Variants in SMC3 observed in about 807,000 individuals in gnomAD.
SMC3 encodes structural maintenance of chromosomes protein 3.
SMC3 carries 20 observed loss-of-function variants against 171.8 expected under a neutral mutation model. The observed-to-expected ratio is 0.12, with a 90% CI of 0.08 to 0.17. The LOEUF (loss-of-function observed/expected upper bound fraction) is 0.17. SMC3 is among the 10% of genes least tolerant of loss of function. The pLI is 1.00. For synonymous variants in SMC3, 464 were observed against 451.1 expected (o/e 1.03, Z -0.36); for missense variants, 543 against 1,420.4 (o/e 0.38, Z 9.93).
rs1176119437 is a variant in SMC3 at position 110,575,347 on chromosome 10, G to C, written c.142G>C (p.Val48Leu). ...KSNFFYAIQF[V>L]LSDEFSHLRP... ...TTTTGTATTTCCAGCAATTCAGTTT[G>C]TTCTCAGTGATGAGTTTAGTCATCT... is the stretch of plus-strand genomic sequence containing the variant. Residue 48 changes from valine (V) to leucine (L), a missense_variant, in exon 4 of 29, where the codon GTT becomes CTT. This residue lies in a region of SMC3 where 146 missense variants were observed against 437.9 expected (regional missense o/e 0.33). Coordinates refer to ENST00000361804, the MANE Select transcript of SMC3 (RefSeq NM_005445.4). 2 of 1,613,452 alleles carry C rather than the reference G, an allele frequency of 1.2e-6. No individual in the cohort carries two copies.
intron 3 of SMC3, 71 bp downstream of exon 3, chr10:110,573,816 A>G: frequency 9.4e-7 from 1 of 1,058,844 alleles, no homozygotes; most frequent in South Asian, 1.3e-5. Context: ...TAAAATCATT[A>G]ATTTTCTGAG....
At chr10:110,600,699 G>A (rs572882204) in intron 22 of SMC3, among the ~76,000 whole-genome samples, 153 bp downstream of exon 22, 32 of 152,150 alleles carry the variant, frequency 2.1e-4, no homozygotes, top group African/African-American at 6.3e-4. Context: ...CTGCCACCTA[G>A]TGTGTGATTT....
chr10:110,573,625 A>G (rs1023360461), intron 2 of SMC3, 82 bp from the exon 3 acceptor site: 3 of 942,182 alleles, frequency 3.2e-6, no homozygotes, highest in East Asian at 4.9e-5. Context: ...TTTTAAAAAT[A>G]TTGAGTATTT....
chr10:110,584,212 A>C lies in SMC3; in HGVS notation c.1121A>C (p.Asp374Ala), dbSNP rs1861074510. The C allele has an allele frequency of 1.2e-6, 2 of 1,614,078 alleles. No individual in the cohort carries two copies. Among genetic ancestry groups the C allele is most frequent in the Non-Finnish European group, 1.7e-6 (2 of 1,179,988 alleles). The change falls in exon 13 of 29, where the codon GAT becomes GCT. Residue 374 changes from aspartate (D) to alanine (A), a missense_variant. Asp to Ala is a moderately radical substitution (Grantham distance 126, BLOSUM62 -2). Coordinates refer to ENST00000361804, the MANE Select transcript of SMC3 (RefSeq NM_005445.4). ...RLAQATQERTDLYAKQGRGSQ... is the reference protein window; with the variant it reads ...RLAQATQERTALYAKQGRGSQ... ...GCTCAAGCTACCCAGGAAAGAACGG[A>C]TCTTTATGCAAAGCAGGGTCGAGGA...
chr10:110,591,112 A>G lies in SMC3; in HGVS notation c.1792A>G (p.Thr598Ala). The part of the protein sequence containing the change: ...LPLNKLDVRD[T>A]AYPETNDAIP... ...TCTTAACAAGTTAGATGTCAGGGAT[A>G]CAGCCTATCCTGAAACCAATGTGAG... The change falls in exon 17 of 29, where the codon ACA becomes GCA. Residue 598 changes from threonine (T) to alanine (A), a missense_variant. Coordinates refer to ENST00000361804, the MANE Select transcript of SMC3 (RefSeq NM_005445.4). 6.2e-7 allele frequency: 1 copy of G among 1,613,826 alleles called. No homozygotes were observed. The highest frequency in any genetic ancestry group is 2.2e-5 in the East Asian group (1 of 44,872).
intron 20 of SMC3, 137 bp from the exon 21 acceptor site, chr10:110,599,517 A>C (rs1409205243): frequency 1.4e-6 from 1 of 705,552 alleles, no homozygotes; most frequent in African/African-American, 1.8e-5. Flanking sequence ...AGTCCTAATT[A>C]CCAAATTAAT....
chr10:110,600,509 A>T lies in SMC3; in HGVS notation c.2498A>T (p.Asn833Ile), dbSNP rs777828072. ...GIITRVETYL[N>I]ENLRKRLDQV... ...ATTACTCGAGTAGAGACTTATCTCAATGAGAATCTGAGAAAACGCTTGGAC... is the reference window on the plus strand; with the variant it reads ...ATTACTCGAGTAGAGACTTATCTCATTGAGAATCTGAGAAAACGCTTGGAC... The change falls in exon 22 of 29, where the codon AAT (asparagine) becomes ATT (isoleucine). Residue 833 changes from asparagine to isoleucine, a missense_variant. Transcript: ENST00000361804. 2 of 1,596,100 alleles carry T rather than the reference A, an allele frequency of 1.3e-6. No individual in the cohort carries two copies. The highest frequency in any genetic ancestry group is 1.7e-6 in the Non-Finnish European group (2 of 1,163,688).
chr10:110,585,559 G>A (rs1007879994), intron 13 of SMC3, among the ~76,000 whole-genome samples: 1 of 151,774 alleles, frequency 6.6e-6, no homozygotes, highest in Non-Finnish European at 1.5e-5. Flanking sequence ...TAAGTGCTGG[G>A]ATTGCAGGCG....
chr10:110,599,316 C>T lies in SMC3; in HGVS notation c.2269-338C>T, dbSNP rs374666576. ...TTCACCATGTTGGCCAGGCTCGTCT[C>T]GAACTCCTGACCTCGTGATCCACCC... On this transcript the variant is annotated intron_variant, in intron 20 of 28. Coordinates refer to ENST00000361804, the MANE Select transcript of SMC3 (RefSeq NM_005445.4). Among the ~76,000 whole-genome samples, 26 of 152,118 alleles carry T rather than the reference C, an allele frequency of 1.7e-4. No homozygotes were observed. The East Asian group carries it at 2.5e-3, about 15-fold the overall frequency.
At position 110,575,316 on chromosome 10, in the gene SMC3, A is replaced by T; in HGVS notation, c.131-20A>T. On this transcript the variant is annotated intron_variant, in intron 3 of 28. Transcript: ENST00000361804. ...AAACACTTTTTTAGGGTATACTAAT[A>T]GTTGTTTTTGTATTTCCAGCAATTC... is the stretch of plus-strand genomic sequence containing the variant. 1 of 1,601,106 alleles carries T rather than the reference A, an allele frequency of 6.2e-7. No individual in the cohort carries two copies. The highest frequency in any genetic ancestry group is 8.6e-7 in the Non-Finnish European group (1 of 1,168,486).
intron 1 of SMC3, among the ~76,000 whole-genome samples, chr10:110,568,141 C>T (rs1244535918): frequency 6.6e-6 from 1 of 151,936 alleles, no homozygotes; most frequent in East Asian, 1.9e-4. Context: ...TCCTGGGTGG[C>T]CCCAGAGCTG....
chr10:110,604,281 A>C lies in SMC3; in HGVS notation c.3633A>C (p.Glu1211Asp), dbSNP rs753487430. The change falls in exon 29 of 29, where the codon GAA becomes GAC. Residue 1211 changes from glutamate (E) to aspartate (D), a missense_variant. By Grantham distance (45) the Glu-to-Asp change is conservative. Coordinates refer to ENST00000361804, the MANE Select transcript of SMC3 (RefSeq NM_005445.4). ...ITAEMAKDFVEDDTTHG is the reference protein window; with the variant it reads ...ITAEMAKDFVDDDTTHG ...CAGAGATGGCCAAAGACTTTGTAGAAGATGATACCACACATGGTTAATTGG... is the reference window on the plus strand; with the variant it reads ...CAGAGATGGCCAAAGACTTTGTAGACGATGATACCACACATGGTTAATTGG... The C allele has an allele frequency of 6.2e-7, 1 of 1,609,506 alleles. No homozygotes were observed. The highest frequency in any genetic ancestry group is 8.5e-7 in the Non-Finnish European group (1 of 1,177,698).
chr10:110,597,584 A>G (rs1348203444), intron 19 of SMC3, among the ~76,000 whole-genome samples: 3 of 152,346 alleles, frequency 2.0e-5, no homozygotes, highest in South Asian at 4.1e-4. Flanking sequence ...TTGACCTTGC[A>G]GGGGTCTGCA....
intron 23 of SMC3, 82 bp downstream of exon 23, chr10:110,601,212 A>G (rs1428319013): frequency 1.1e-5 from 11 of 972,546 alleles, no homozygotes; most frequent in Non-Finnish European, 1.8e-5. Flanking sequence ...CCAAATAGGC[A>G]GAAGCATATG....
At position 110,597,958 on chromosome 10, in the gene SMC3, C is replaced by G. The variant is rs115812864; in HGVS notation, c.2117-181C>G. ...AAATGGGGTGAAATGTTTCAAGCTT[C>G]TTTATGATTGAATGCATTTTGGGTA... On this transcript the variant is annotated intron_variant, in intron 19 of 28. Coordinates refer to ENST00000361804, the MANE Select transcript of SMC3 (RefSeq NM_005445.4). 8.9e-3 allele frequency among the ~76,000 whole-genome samples: 1,358 copies of G among 152,156 alleles called. 20 individuals are homozygous for G. Among genetic ancestry groups the G allele is most frequent in the African/African-American group, 0.03 (1,244 of 41,514 alleles).
At chr10:110,600,878 T>G (rs1324679529) in intron 22 of SMC3, 144 bp from the exon 23 acceptor site, 11 of 654,984 alleles carry the variant, frequency 1.7e-5, no homozygotes, top group Admixed American at 3.0e-5. Flanking sequence ...TTTTCTTCCC[T>G]TTAATGGATA....
intron 13 of SMC3, among the ~76,000 whole-genome samples, chr10:110,585,568 C>T (rs938891564): frequency 2.0e-5 from 3 of 151,310 alleles, no homozygotes; most frequent in South Asian, 2.1e-4. Context: ...GGATTGCAGG[C>T]GTGAGCCACC....
intron 4 of SMC3, among the ~76,000 whole-genome samples, chr10:110,576,493 A>AT (rs1260038685): frequency 6.6e-6 from 1 of 152,216 alleles, no homozygotes; most frequent in East Asian, 1.9e-4. Flanking sequence ...GACTAAAGTA[A>AT]TTTTAGGATA....
At chr10:110,569,483 G>A (rs1369767560) in intron 2 of SMC3, among the ~76,000 whole-genome samples, 1 of 152,140 alleles carries the variant, frequency 6.6e-6, no homozygotes, top group Non-Finnish European at 1.5e-5. Flanking sequence ...CCAGTTATAG[G>A]GGGGTGGGGG....
Sources: allele counts gnomAD v4.1 joint callset (sites outside exome capture counted in the v4.1 genomes callset), GRCh38; gene constraint gnomAD v4.1.1; regional missense constraint gnomAD v4.1.1; transcripts MANE v1.5; gene names NCBI Gene and HGNC (gene_info 2026-07-23, HGNC 2026-07-21).